RARS2: variants seen among roughly 807,000 people sequenced by gnomAD.
The protein encoded by RARS2 is arginyl-tRNA synthetase 2, mitochondrial.
A neutral mutation model predicts 88.5 loss-of-function variants in RARS2; 67 were observed. The ratio of observed to expected loss-of-function variants is 0.76; its 90% CI spans 0.62 to 0.93. The LOEUF is 0.93. RARS2 is among the 40% of genes least tolerant of loss of function. The pLI is 0.00. For missense variants in RARS2, 664 were observed against 684.2 expected, an observed-to-expected ratio of 0.97 and a Z score of 0.33; for synonymous variants, 239 against 230.3, an observed-to-expected ratio of 1.04 and a Z score of -0.34.
At chr6:87,585,888 A>AT (rs776070898) in intron 1 of RARS2, among the ~76,000 whole-genome samples, 5 of 152,204 alleles carry the variant, frequency 3.3e-5, no homozygotes, top group Non-Finnish European at 7.3e-5. Flanking sequence ...TATAAAATGC[A>AT]TTTCTTTTAG....
chr6:87,549,620 C>CA (rs1419428445), intron 5 of RARS2, among the ~76,000 whole-genome samples: 7 of 151,428 alleles, frequency 4.6e-5, no homozygotes, highest in Non-Finnish European at 7.4e-5. Flanking sequence ...TGTGGCTCAC[C>CA]ACTCCAAATT....
intron 10 of RARS2, among the ~76,000 whole-genome samples, chr6:87,525,890 A>C (rs1356501317): frequency 6.6e-6 from 1 of 151,112 alleles, no homozygotes; most frequent in Non-Finnish European, 1.5e-5. Context: ...CTATCTGAAA[A>C]AGAAATTTAA....
At chr6:87,579,722 T>C (rs1030584527) in intron 1 of RARS2, among the ~76,000 whole-genome samples, 3 of 112,226 alleles carry the variant, frequency 2.7e-5, no homozygotes, top group Non-Finnish European at 5.8e-5. Flanking sequence ...CATGTTTTTT[T>C]TTTTTTTTTT....
At chr6:87,567,121 G>A (rs188284315) in intron 2 of RARS2, among the ~76,000 whole-genome samples, 262 of 152,182 alleles carry the variant, frequency 1.7e-3, no homozygotes, top group Middle Eastern at 3.4e-3. Flanking sequence ...GCATGGTGGT[G>A]TGTGCCTGTA....
intron 5 of RARS2, among the ~76,000 whole-genome samples, chr6:87,555,174 TA>T (rs2128144008): frequency 6.6e-6 from 1 of 151,874 alleles, no homozygotes; most frequent in African/African-American, 2.4e-5. Context: ...TCCAAAAAAG[TA>T]ATTGTTAATA....
Position 87,587,356 on chromosome 6 carries a change from T to C in RARS2, c.36+2566A>G, listed in dbSNP as rs181580155. Among the ~76,000 whole-genome samples the C allele has an allele frequency of 5.9e-5, 9 of 152,368 alleles. 1 individual carries two copies. The highest frequency in any genetic ancestry group is 9.6e-5 in the African/African-American group (4 of 41,592). Reference sequence around the variant, plus strand: ...AACTGTACGGAACATGTTTTTTCTTTGCTCTTTTTTCCCCATGTCCTAACG... The same window carrying C: ...AACTGTACGGAACATGTTTTTTCTTCGCTCTTTTTTCCCCATGTCCTAACG... On this transcript the variant is annotated intron_variant, in intron 1 of 19. Coordinates refer to ENST00000369536, the MANE Select transcript of RARS2 (RefSeq NM_020320.5).
intron 1 of RARS2, among the ~76,000 whole-genome samples, chr6:87,589,193 T>G (rs550085762): frequency 6.6e-6 from 1 of 152,288 alleles, no homozygotes; most frequent in African/African-American, 2.4e-5. Context: ...GTCTTAAAAA[T>G]TCTTTTTGAT....
chr6:87,541,913 C>T lies in RARS2; in HGVS notation c.612+5G>A. The T allele has an allele frequency of 6.2e-7, 1 of 1,609,630 alleles. No individual in the cohort carries two copies. The highest frequency in any genetic ancestry group is 1.1e-5 in the South Asian group (1 of 90,990). The stretch of plus-strand genomic sequence containing the variant: ...AATTTTTGAAATGTTTTCTTGCCAA[C>T]TTACTTCAAAGAGATGCTGTAGAGG... On this transcript the variant is annotated splice_donor_5th_base_variant and intron_variant, in intron 8 of 19. Coordinates refer to ENST00000369536, the MANE Select transcript of RARS2 (RefSeq NM_020320.5).
At chr6:87,564,524 C>T (rs1010512943) in intron 2 of RARS2, 3 of 386,390 alleles carry the variant, frequency 7.8e-6, no homozygotes, top group Admixed American at 7.5e-5. Flanking sequence ...CAAAAATTAG[C>T]CAGGCATGGT....
At chr6:87,581,087 G>A (rs1001638054) in intron 1 of RARS2, among the ~76,000 whole-genome samples, 4 of 151,990 alleles carry the variant, frequency 2.6e-5, no homozygotes, top group East Asian at 3.9e-4. Context: ...GATTCTTACC[G>A]CTAGTACTCA....
intron 19 of RARS2, 25 bp downstream of exon 19, chr6:87,514,932 A>G (rs754236855): frequency 1.3e-6 from 2 of 1,577,546 alleles, no homozygotes; most frequent in East Asian, 4.5e-5. Flanking sequence ...TAGGGATTAT[A>G]CAGAAAACAT....
intron 1 of RARS2, among the ~76,000 whole-genome samples, chr6:87,580,876 T>C (rs1311025935): frequency 1.3e-5 from 2 of 152,094 alleles, no homozygotes; most frequent in Non-Finnish European, 1.5e-5. Context: ...GATTCTAATA[T>C]GTAATATAAG....
At chr6:87,529,926 T>C (rs893186276) in intron 9 of RARS2, among the ~76,000 whole-genome samples, 14 of 151,922 alleles carry the variant, frequency 9.2e-5, no homozygotes, top group African/African-American at 3.1e-4. Context: ...ACTCCTCTTC[T>C]CAAACCTCCT....
intron 7 of RARS2, among the ~76,000 whole-genome samples, chr6:87,542,949 G>A (rs1328740323): frequency 3.3e-5 from 5 of 151,032 alleles, no homozygotes; most frequent in African/African-American, 9.8e-5. Context: ...ATGTACCCTA[G>A]AACTTAAAGT....
At chr6:87,568,758 G>C (rs777464615) in intron 2 of RARS2, among the ~76,000 whole-genome samples, 1 of 152,086 alleles carries the variant, frequency 6.6e-6, no homozygotes, top group Non-Finnish European at 1.5e-5. Context: ...ATTCTGAGAA[G>C]AATATTCATT....
At position 87,515,018 on chromosome 6, in the gene RARS2, T is replaced by C. The variant is rs745358559; in HGVS notation, c.1589A>G (p.His530Arg). 5 of 1,611,950 alleles carry C rather than the reference T, an allele frequency of 3.1e-6. No homozygotes were observed. The African/African-American group carries it at 4.0e-5, about 13-fold the overall frequency. The change falls in exon 19 of 20, where the codon CAT becomes CGT. Residue 530 changes from histidine (H) to arginine (R), a missense_variant and splice_region_variant. His to Arg is a conservative substitution (Grantham distance 29). Coordinates refer to ENST00000369536, the MANE Select transcript of RARS2 (RefSeq NM_020320.5). ...TGTTTTGTGTGCCACAGCTGCAAGATGACTGAAACAGGAAGAGAGAAATCA... is the reference window on the plus strand; with the variant it reads ...TGTTTTGTGTGCCACAGCTGCAAGACGACTGAAACAGGAAGAGAGAAATCA... ...HIVSYLLTLS[H>R]LAAVAHKTLQ...
intron 4 of RARS2, among the ~76,000 whole-genome samples, chr6:87,557,559 G>A (rs546401570): frequency 6.6e-6 from 1 of 152,232 alleles, no homozygotes; most frequent in East Asian, 1.9e-4. Flanking sequence ...ACAACAAAAA[G>A]GCAACATTAA....
At chr6:87,561,226 T>G (rs1390502163) in intron 4 of RARS2, among the ~76,000 whole-genome samples, 1 of 152,168 alleles carries the variant, frequency 6.6e-6, no homozygotes, top group Admixed American at 6.5e-5. Flanking sequence ...GACATGCATA[T>G]CAAACATCAG....
rs1219543310 is a variant in RARS2 at position 87,575,065 on chromosome 6, A to G, written c.37-5475T>C. On this transcript the variant is annotated intron_variant, in intron 1 of 19. Transcript: ENST00000369536. ...TAGACTGCTTCCCTAGCAACCAGTC[A>G]TAAGGATAGAGACAAAATTCAAAGC... Among the ~76,000 whole-genome samples, 5 of 94,054 alleles carry G rather than the reference A, an allele frequency of 5.3e-5. No individual in the cohort carries two copies. The East Asian group carries it at 8.4e-4, about 16-fold the overall frequency. 61.7% of individuals were successfully genotyped at this position (94,054 alleles called of 152,430 possible).
Sources: gnomAD v4.1 joint callset for allele counts (sites outside exome capture counted in the v4.1 genomes callset) on GRCh38, gnomAD v4.1.1 for gene constraint, MANE v1.5 for transcripts, NCBI Gene and HGNC (gene_info 2026-07-23, HGNC 2026-07-21) for gene names.